The following AGBL1 variants were observed in gnomAD, a reference collection of about 807,000 sequenced individuals.
AGBL1 encodes cytosolic carboxypeptidase 4.
In AGBL1, 130 loss-of-function variants were observed where a neutral mutation model predicts 118.9. The observed-to-expected ratio is 1.09, with a 90% CI of 0.95 to 1.26. The LOEUF (loss-of-function observed/expected upper bound fraction) is 1.26. Among genes scored for constraint, AGBL1 ranks in the 50% most tolerant of loss-of-function variants. AGBL1 has a pLI of 0.00. For missense variants in AGBL1, 1,584 were observed against 1,298.1 expected (o/e 1.22, Z -3.38); for synonymous variants, 555 against 478.9 (o/e 1.16, Z -2.08).
At chr15:86,528,251 G>A (rs1247386399) in intron 19 of AGBL1, among the ~76,000 whole-genome samples, 3 of 152,186 alleles carry the variant, frequency 2.0e-5, no homozygotes, top group Admixed American at 2.0e-4. Flanking sequence ...GTGGGTGCAC[G>A]CACCGGGCGC....
At position 86,298,246 on chromosome 15, in the gene AGBL1, AATATATATAT is replaced by A. The variant is rs59968237; in HGVS notation, c.2374+2863_2374+2872del. 7.2e-4 allele frequency among the ~76,000 whole-genome samples: 50 copies of A among 69,806 alleles called. 5 individuals are homozygous for A. The highest frequency in any genetic ancestry group is 0.013 in the Middle Eastern group (2 of 152). 45.8% of individuals were successfully genotyped at this position (69,806 alleles called of 152,430 possible). A position where few individuals can be genotyped will look rare whatever the true frequency, so the allele number is the denominator to read the frequency against. On this transcript the variant is annotated intron_variant, in intron 17 of 22. Coordinates refer to ENST00000614907, the MANE Select transcript of AGBL1 (RefSeq NM_001386094.1). Reference sequence around the variant, plus strand: ...GTATACAGGGTACGTGTCTGTGTATAATATATATATATATATATATATATATATATATATG... The same window carrying A: ...GTATACAGGGTACGTGTCTGTGTATAATATATATATATATATATATATATG...
At chr15:86,643,222 A>G (rs1021396594) in intron 21 of AGBL1, among the ~76,000 whole-genome samples, 1 of 152,208 alleles carries the variant, frequency 6.6e-6, no homozygotes, top group African/African-American at 2.4e-5. Context: ...ATATATATTC[A>G]ACATATATAG....
chr15:86,456,999 A>G (rs2082268641), intron 18 of AGBL1, among the ~76,000 whole-genome samples: 1 of 152,172 alleles, frequency 6.6e-6, no homozygotes, highest in Non-Finnish European at 1.5e-5. Flanking sequence ...ATGTAGAGAA[A>G]GAACACACCG....
intron 22 of AGBL1, among the ~76,000 whole-genome samples, chr15:86,736,281 G>A (rs2077597438): frequency 6.6e-6 from 1 of 152,066 alleles, no homozygotes; most frequent in African/African-American, 2.4e-5. Context: ...TCAGGAGGCT[G>A]AGGCAGGAGA....
chr15:86,359,621 A>T (rs1054564457), intron 17 of AGBL1, among the ~76,000 whole-genome samples: 2 of 151,618 alleles, frequency 1.3e-5, no homozygotes, highest in Non-Finnish European at 3.0e-5. Flanking sequence ...ATTGAATCAG[A>T]TCACTGGGAT....
chr15:86,754,898 C>T (rs187890512), intron 22 of AGBL1, among the ~76,000 whole-genome samples: 1 of 152,078 alleles, frequency 6.6e-6, no homozygotes, highest in Non-Finnish European at 1.5e-5. Flanking sequence ...TCCCCTTATC[C>T]CTTCTCTCTC....
chr15:86,410,820 ATATATATATATATATATAT>A lies in AGBL1; in HGVS notation c.2555+13275_2555+13293del, dbSNP rs2142008995. 2.2e-5 allele frequency among the ~76,000 whole-genome samples: 2 copies of A among 91,262 alleles called. 1 individual carries two copies. The highest frequency in any genetic ancestry group is 7.4e-4 in the East Asian group (2 of 2,690). The allele number at this position is 91,262 out of a possible 152,430, so 59.9% of individuals were successfully genotyped here. On this transcript the variant is annotated intron_variant, in intron 18 of 22. Transcript: ENST00000614907. ...AGGTCAAATGTAGATATATATATAT[ATATATATATATATATATAT>A]ATAATATACTATTTTATATATAAAA... is the stretch of plus-strand genomic sequence containing the variant.
intron 22 of AGBL1, among the ~76,000 whole-genome samples, chr15:86,845,044 A>T (rs1402328495): frequency 6.6e-6 from 1 of 152,118 alleles, no homozygotes; most frequent in African/African-American, 2.4e-5. Flanking sequence ...CTACACTTTT[A>T]TGCAGTGCTT....
At chr15:86,725,242 C>A (rs909499149) in intron 22 of AGBL1, among the ~76,000 whole-genome samples, 1 of 152,162 alleles carries the variant, frequency 6.6e-6, no homozygotes, top group Non-Finnish European at 1.5e-5. Context: ...CTCATAGGAG[C>A]TCTGGTTCTC....
chr15:86,637,181 A>G (rs2085111178), intron 21 of AGBL1, among the ~76,000 whole-genome samples: 1 of 152,106 alleles, frequency 6.6e-6, no homozygotes, highest in Non-Finnish European at 1.5e-5. Context: ...ACAACACAGG[A>G]CATACACAAA....
In AGBL1 at chr15:86,609,510, G is replaced by A. The variant is rs1436519302; in HGVS notation, c.2994+54973G>A. 3.9e-5 allele frequency among the ~76,000 whole-genome samples: 6 copies of A among 152,282 alleles called. No individual in the cohort carries two copies. The East Asian group carries it at 9.6e-4, about 24-fold the overall frequency. On this transcript the variant is annotated intron_variant, in intron 21 of 22. Transcript: ENST00000614907. ...GCACCTGTGGGGTAGGGTATGTGTA[G>A]TTCTAGGAGTTAATTTGTGTTGACC...
intron 22 of AGBL1, among the ~76,000 whole-genome samples, chr15:86,749,715 A>C (rs2077817031): frequency 6.6e-6 from 1 of 152,216 alleles, no homozygotes; most frequent in African/African-American, 2.4e-5. Context: ...AGTTTTTAGC[A>C]TGAAGTGCTG....
intron 23 of AGBL1, among the ~76,000 whole-genome samples, chr15:86,933,251 T>A (rs548007860): frequency 1.5e-3 from 228 of 152,290 alleles, no homozygotes; most frequent in Middle Eastern, 0.01. Context: ...GAGGCCAAGA[T>A]AACCATGGGA....
At chr15:87,020,979 GAATT>G (rs1311818487) in intron 24 of AGBL1, among the ~76,000 whole-genome samples, 1 of 151,702 alleles carries the variant, frequency 6.6e-6, no homozygotes, top group African/African-American at 2.4e-5. Flanking sequence ...ATTCTTTACA[GAATT>G]AATTAGAAAA....
intron 6 of AGBL1, among the ~76,000 whole-genome samples, chr15:86,231,900 T>A (rs546148276): frequency 6.6e-6 from 1 of 152,278 alleles, no homozygotes; most frequent in East Asian, 1.9e-4. Context: ...GGAGGGGGTA[T>A]CTGTCATTGA....
At chr15:86,219,852 ATTCT>A (rs1218364279) in intron 5 of AGBL1, among the ~76,000 whole-genome samples, 2 of 150,556 alleles carry the variant, frequency 1.3e-5, no homozygotes, top group African/African-American at 2.4e-5. Context: ...GATATTTTAG[ATTCT>A]TTCTAGAATT....
At chr15:86,870,651 G>T (rs965834147) in intron 22 of AGBL1, among the ~76,000 whole-genome samples, 2 of 151,946 alleles carry the variant, frequency 1.3e-5, no homozygotes, top group African/African-American at 4.8e-5. Flanking sequence ...TAGATATATG[G>T]AAAGCAAGAA....
chr15:86,136,081 C>T (rs895252776), intron 1 of AGBL1, among the ~76,000 whole-genome samples: 1 of 152,292 alleles, frequency 6.6e-6, no homozygotes, highest in East Asian at 1.9e-4. Context: ...AACATAGACC[C>T]TCCAGTCTAG....
intron 21 of AGBL1, among the ~76,000 whole-genome samples, chr15:86,669,685 T>A (rs537321191): frequency 5.3e-5 from 8 of 152,212 alleles, no homozygotes; most frequent in Non-Finnish European, 1.0e-4. Flanking sequence ...TATATAACTT[T>A]TAAAACATTT....
Sources: allele counts gnomAD v4.1 joint callset (sites outside exome capture counted in the v4.1 genomes callset), GRCh38; gene constraint gnomAD v4.1.1; transcripts MANE v1.5; gene names NCBI Gene and HGNC (gene_info 2026-07-23, HGNC 2026-07-21).